Variants in LEF1 observed in about 807,000 individuals in gnomAD.
LEF1 encodes the protein lymphoid enhancer-binding factor 1.
A neutral mutation model predicts 51.2 loss-of-function variants in LEF1; 14 were observed. The observed-to-expected ratio is 0.27, with a 90% CI of 0.18 to 0.43. The LOEUF is 0.43. Among genes scored for constraint, LEF1 ranks in the 20% least tolerant of loss-of-function variants. The pLI is 1.00. For missense variants in LEF1, 386 were observed against 512.0 expected (o/e 0.75, Z 2.37); for synonymous variants, 185 against 183.2 (o/e 1.01, Z -0.08).
chr4:108,083,229 C>T, intron 5 of LEF1, 127 bp downstream of exon 5: 2 of 724,722 alleles, frequency 2.8e-6, no homozygotes, highest in Non-Finnish European at 2.5e-6. Context: ...AAGTTAGCAC[C>T]TTGCTTGTTG....
chr4:108,151,268 C>T (rs1401659441), intron 3 of LEF1, among the ~76,000 whole-genome samples: 1 of 152,156 alleles, frequency 6.6e-6, no homozygotes, highest in Admixed American at 6.5e-5. Context: ...TTGTGTTATC[C>T]ACTAGCATCA....
intron 3 of LEF1, among the ~76,000 whole-genome samples, chr4:108,112,566 G>T (rs1741598492): frequency 6.6e-6 from 1 of 152,128 alleles, no homozygotes; most frequent in Admixed American, 6.5e-5. Flanking sequence ...TCTGTGCCTT[G>T]ATTTTTCCTC....
At chr4:108,118,437 A>G (rs1022337748) in intron 3 of LEF1, among the ~76,000 whole-genome samples, 2 of 152,230 alleles carry the variant, frequency 1.3e-5, no homozygotes, top group Admixed American at 6.5e-5. Flanking sequence ...GCGAACTGTG[A>G]ATTGTCATGC....
At chr4:108,136,402 T>C (rs1045907386) in intron 3 of LEF1, among the ~76,000 whole-genome samples, 5 of 151,966 alleles carry the variant, frequency 3.3e-5, no homozygotes, top group African/African-American at 1.2e-4. Flanking sequence ...TTAATCTTTA[T>C]AAAAACATGT....
intron 3 of LEF1, among the ~76,000 whole-genome samples, chr4:108,138,853 C>T (rs1743466010): frequency 6.6e-6 from 1 of 152,218 alleles, no homozygotes; most frequent in Non-Finnish European, 1.5e-5. Context: ...CTACATGTGC[C>T]ACCATGCCCC....
chr4:108,134,845 A>G (rs1743148793), intron 3 of LEF1, among the ~76,000 whole-genome samples: 2 of 152,244 alleles, frequency 1.3e-5, no homozygotes, highest in South Asian at 4.1e-4. Flanking sequence ...GTTGAAGCAG[A>G]ACCCTTTCAT....
chr4:108,117,962 G>A (rs1359060172), intron 3 of LEF1, among the ~76,000 whole-genome samples: 1 of 152,092 alleles, frequency 6.6e-6, no homozygotes, highest in African/African-American at 2.4e-5. Context: ...CTAGCATTTG[G>A]GGCAGTCATT....
chr4:108,080,012 T>C (rs187313545), intron 6 of LEF1, among the ~76,000 whole-genome samples: 2 of 152,338 alleles, frequency 1.3e-5, no homozygotes. Flanking sequence ...TCCTCATCCA[T>C]ATTAGGAGGG....
chr4:108,087,304 T>C (rs941546906), intron 4 of LEF1, among the ~76,000 whole-genome samples: 6 of 152,008 alleles, frequency 3.9e-5, no homozygotes, highest in Admixed American at 3.3e-4. Flanking sequence ...GCACAAATAG[T>C]GTCTGGACCA....
At chr4:108,124,592 A>G (rs1234788820) in intron 3 of LEF1, among the ~76,000 whole-genome samples, 1 of 151,808 alleles carries the variant, frequency 6.6e-6, no homozygotes, top group East Asian at 1.9e-4. Flanking sequence ...CTGGTCTCAA[A>G]CCCCTGACCT....
intron 8 of LEF1, chr4:108,075,361 G>A (rs1271836214): frequency 1.3e-5 from 2 of 152,170 alleles, no homozygotes; most frequent in African/African-American, 4.8e-5. Context: ...AAATTTATTA[G>A]GTTCAGAACA....
chr4:108,147,561 A>G (rs895079203), intron 3 of LEF1, among the ~76,000 whole-genome samples: 3 of 152,194 alleles, frequency 2.0e-5, no homozygotes, highest in African/African-American at 2.4e-5. Flanking sequence ...AAAATCTAGT[A>G]CATATAATCC....
rs372898065 is a variant in LEF1, at chr4:108,124,041, C to T, written c.415-34784G>A. On this transcript the variant is annotated intron_variant, in intron 3 of 11. Coordinates refer to ENST00000265165, the MANE Select transcript of LEF1 (RefSeq NM_016269.5). ...CATGCCCCTGTAGCCCCTGCTACTC[C>T]AGAGGCTGATGTGGGAGGATAGCTT... 1.1e-4 allele frequency among the ~76,000 whole-genome samples: 16 copies of T among 152,156 alleles called. No individual in the cohort carries two copies. The South Asian group carries it at 3.3e-3, about 32-fold the overall frequency.
intron 11 of LEF1, among the ~76,000 whole-genome samples, chr4:108,057,598 A>G (rs1737394696): frequency 6.6e-6 from 1 of 152,132 alleles, no homozygotes; most frequent in African/African-American, 2.4e-5. Flanking sequence ...TGGTGCTTCT[A>G]TTCCCACTCT....
intron 8 of LEF1, among the ~76,000 whole-genome samples, chr4:108,077,451 G>A (rs564821924): frequency 7.4e-5 from 10 of 135,692 alleles, no homozygotes; most frequent in Non-Finnish European, 1.5e-4. Context: ...CCCGGCTGCC[G>A]CCCAGTCTGG....
chr4:108,107,322 T>C (rs1337416026), intron 3 of LEF1, among the ~76,000 whole-genome samples: 2 of 151,770 alleles, frequency 1.3e-5, no homozygotes, highest in East Asian at 1.9e-4. Flanking sequence ...GCCTGACTTC[T>C]GGGAAAAATA....
intron 3 of LEF1, among the ~76,000 whole-genome samples, chr4:108,145,302 A>G (rs1743931426): frequency 1.3e-5 from 2 of 152,226 alleles, no homozygotes; most frequent in Non-Finnish European, 2.9e-5. Flanking sequence ...TCTACCTCTA[A>G]TATCAACCCT....
chr4:108,056,287 C>A (rs1737298871), intron 11 of LEF1, among the ~76,000 whole-genome samples: 1 of 152,200 alleles, frequency 6.6e-6, no homozygotes, highest in Non-Finnish European at 1.5e-5. Context: ...CAGGGAGGGA[C>A]AGATGGAAGC....
intron 3 of LEF1, among the ~76,000 whole-genome samples, chr4:108,145,681 T>C (rs1743955356): frequency 6.6e-6 from 1 of 152,200 alleles, no homozygotes; most frequent in Non-Finnish European, 1.5e-5. Flanking sequence ...CACTGTGACA[T>C]GAATGAACCC....
Sources: gnomAD v4.1 joint callset for allele counts (sites outside exome capture counted in the v4.1 genomes callset) on GRCh38, gnomAD v4.1.1 for gene constraint, MANE v1.5 for transcripts, NCBI Gene and HGNC (gene_info 2026-07-23, HGNC 2026-07-21) for gene names.